FSAF1: variants seen among roughly 807,000 people sequenced by gnomAD.
The protein encoded by FSAF1 is uncharacterized protein C1orf131.
chr1:231,238,622 G>C, the FSAF1 span: 2 of 434,458 alleles, frequency 4.6e-6, no homozygotes, highest in Admixed American at 7.6e-5. Flanking sequence ...CAATGTGATT[G>C]ATGGTGAATA....
chr1:231,232,578 T>C, the FSAF1 span, among the ~76,000 whole-genome samples: 1 of 152,222 alleles, frequency 6.6e-6, no homozygotes, highest in Non-Finnish European at 1.5e-5. Flanking sequence ...ACCACTGGGA[T>C]GTAGGGACTA....
chr1:231,230,391 A>T, the FSAF1 span, among the ~76,000 whole-genome samples: 1 of 152,198 alleles, frequency 6.6e-6, no homozygotes, highest in South Asian at 2.1e-4. Context: ...TGGGCTAAAC[A>T]GTTCTTTCAG....
the FSAF1 span, among the ~76,000 whole-genome samples, chr1:231,235,696 G>A: frequency 6.6e-6 from 1 of 152,080 alleles, no homozygotes; most frequent in Non-Finnish European, 1.5e-5. Flanking sequence ...TTAGCTACTT[G>A]GGAGGCTGAG....
chr1:231,228,784 C>T, the FSAF1 span, among the ~76,000 whole-genome samples: 33 of 152,142 alleles, frequency 2.2e-4, 1 homozygote, highest in African/African-American at 5.3e-4. Flanking sequence ...GTCAGTAGTT[C>T]GAGACCAGCC....
At chr1:231,224,027 G>T in the FSAF1 span, 1 of 364,604 alleles carries the variant, frequency 2.7e-6, no homozygotes, top group Non-Finnish European at 4.9e-6. Flanking sequence ...AGTGAAGTTT[G>T]CTGGAGAACA....
chr1:231,230,868 A>G, the FSAF1 span, among the ~76,000 whole-genome samples: 1 of 152,214 alleles, frequency 6.6e-6, no homozygotes, highest in African/African-American at 2.4e-5. Flanking sequence ...TGTGTGGCAC[A>G]GGGTCCAAAA....
the FSAF1 span, chr1:231,224,271 A>C: frequency 2.5e-6 from 4 of 1,606,056 alleles, no homozygotes; most frequent in Non-Finnish European, 3.4e-6. Context: ...TTTATTTGAC[A>C]AAGTACTTCA....
chr1:231,235,369 C>A, the FSAF1 span, among the ~76,000 whole-genome samples: 2 of 152,050 alleles, frequency 1.3e-5, no homozygotes, highest in Non-Finnish European at 2.9e-5. Context: ...TGGTTGTGTG[C>A]ACCTGTAGTC....
the FSAF1 span, chr1:231,224,784 T>C: frequency 3.4e-5 from 7 of 206,924 alleles, no homozygotes; most frequent in Admixed American, 5.3e-5. Flanking sequence ...GTACCTGATA[T>C]CATCTTACTT....
the FSAF1 span, chr1:231,225,554 T>A: frequency 1.1e-5 from 18 of 1,579,776 alleles, no homozygotes; most frequent in Non-Finnish European, 1.6e-5. Context: ...CATATACATA[T>A]TAGTAGTGGA....
At chr1:231,225,517 C>A in the FSAF1 span, 1 of 1,613,228 alleles carries the variant, frequency 6.2e-7, no homozygotes, top group Admixed American at 1.7e-5. Flanking sequence ...ATATCTGTTT[C>A]TTGGGCCTGA....
chr1:231,226,268 G>C, the FSAF1 span: 2 of 176,900 alleles, frequency 1.1e-5, no homozygotes, highest in African/African-American at 4.8e-5. Flanking sequence ...TTGTTAAAAA[G>C]AGCCTGGCAC....
the FSAF1 span, chr1:231,224,031 G>C: frequency 6.5e-4 from 243 of 371,796 alleles, 3 homozygotes; most frequent in African/African-American, 4.8e-3. Context: ...AAGTTTGCTG[G>C]AGAACATTAA....
chr1:231,225,118 T>A, the FSAF1 span: 1 of 265,324 alleles, frequency 3.8e-6, no homozygotes, highest in Non-Finnish European at 7.1e-6. Context: ...TATTCATAAT[T>A]ACGGTGCTCT....
the FSAF1 span, chr1:231,237,427 C>A: frequency 1.3e-5 from 2 of 152,170 alleles, no homozygotes; most frequent in East Asian, 3.9e-4. Flanking sequence ...GGAGAGGGAT[C>A]TTTATAATTA....
chr1:231,241,128 G>T, the FSAF1 span: 2 of 1,612,632 alleles, frequency 1.2e-6, no homozygotes, highest in Non-Finnish European at 1.7e-6. Context: ...GTCAGCCGAG[G>T]AATCAACCCT....
the FSAF1 span, among the ~76,000 whole-genome samples, chr1:231,236,095 T>C: frequency 6.6e-6 from 1 of 152,226 alleles, no homozygotes; most frequent in African/African-American, 2.4e-5. Flanking sequence ...TGTCCTACAA[T>C]GGCTTAGAAG....
chr1:231,224,444 A>C, the FSAF1 span: 1 of 1,583,728 alleles, frequency 6.3e-7, no homozygotes, highest in Non-Finnish European at 8.6e-7. Flanking sequence ...AAGGTACTAT[A>C]AATAGTCAAG....
At chr1:231,226,665 T>G in the FSAF1 span, 4 of 1,350,316 alleles carry the variant, frequency 3.0e-6, no homozygotes, top group Non-Finnish European at 4.2e-6. Context: ...AGCAGCGGCT[T>G]CCGGCATTCC....
Sources: gnomAD v4.1 joint callset for allele counts (sites outside exome capture counted in the v4.1 genomes callset) on GRCh38, gnomAD v4.1.1 for gene constraint, MANE v1.5 for transcripts, NCBI Gene and HGNC (gene_info 2026-07-23, HGNC 2026-07-21) for gene names.